Variants in DOT1L observed in about 807,000 individuals in gnomAD.
DOT1L encodes DOT1 like histone lysine methyltransferase.
DOT1L carries 33 observed loss-of-function variants against 153.3 expected under a neutral mutation model. The ratio of observed to expected loss-of-function variants is 0.22; its 90% confidence interval spans 0.16 to 0.29. The LOEUF (loss-of-function observed/expected upper bound fraction) is 0.29, where lower values mean the gene tolerates loss of function less well. DOT1L is among the 10% of genes least tolerant of loss of function. DOT1L has a pLI of 1.00. For synonymous variants in DOT1L, 1,135 were observed against 965.1 expected (o/e 1.18, Z -3.26); for missense variants, 1,847 against 2,119.9 (o/e 0.87, Z 2.53).
At chr19:2,214,439 C>T in intron 18 of DOT1L, 32 bp from the exon 19 acceptor site, 4 of 1,606,422 alleles carry the variant, frequency 2.5e-6, no homozygotes, top group Non-Finnish European at 3.4e-6. Flanking sequence ...GGCAGCCAGC[C>T]AGTCGCAACT....
chr19:2,177,251 A>G (rs542664688), intron 1 of DOT1L, among the ~76,000 whole-genome samples: 2 of 152,230 alleles, frequency 1.3e-5, no homozygotes, highest in African/African-American at 4.8e-5. Flanking sequence ...GGAAACGACC[A>G]GGTGTGCTGC....
Position 2,221,862 on chromosome 19 carries a change from C to T in DOT1L, c.2807-114C>T. On this transcript the variant is annotated intron_variant, in intron 23 of 27. Transcript: ENST00000398665. ...GTTTTCAGACTCCCAACCCCTTCCC[C>T]ACTTCCCCGCCTCTCCTGGAGCCCA... 3.6e-6 allele frequency: 4 copies of T among 1,126,150 alleles called. No homozygotes were observed. The South Asian group carries it at 6.5e-5, about 18-fold the overall frequency. 69.8% of individuals were successfully genotyped at this position (1,126,150 alleles called of 1,614,324 possible).
chr19:2,202,993 C>T (rs145111748), intron 9 of DOT1L, among the ~76,000 whole-genome samples: 4,631 of 152,346 alleles, frequency 0.03, 97 homozygotes, highest in East Asian at 0.098. Flanking sequence ...ACAATCTCTG[C>T]TCACTGCAAC....
At chr19:2,181,599 G>C (rs2022234610) in intron 2 of DOT1L, among the ~76,000 whole-genome samples, 1 of 149,362 alleles carries the variant, frequency 6.7e-6, no homozygotes, top group Admixed American at 6.6e-5. Context: ...CCTGACCCAG[G>C]GTCCGTGCTT....
At chr19:2,202,551 C>G (rs185250026) in intron 8 of DOT1L, 149 bp from the exon 9 acceptor site, 1 of 709,472 alleles carries the variant, frequency 1.4e-6, no homozygotes, top group African/African-American at 1.8e-5. Flanking sequence ...AAACCCACGG[C>G]GTGCGCTCAG....
chr19:2,227,937 C>G, intron 27 of DOT1L: 1 of 1,127,394 alleles, frequency 8.9e-7, no homozygotes, highest in Non-Finnish European at 1.1e-6. Context: ...TCCCCCGCTG[C>G]CCCCGCCTGC....
At chr19:2,228,238 C>T (rs749161665) in intron 27 of DOT1L, 3 of 1,362,584 alleles carry the variant, frequency 2.2e-6, no homozygotes, top group Non-Finnish European at 2.9e-6. Flanking sequence ...CTGGCCCAGG[C>T]CGCGCCCGGG....
Position 2,190,971 on chromosome 19 carries a change from T to G in DOT1L, c.265-41T>G, listed in dbSNP as rs1599560707. The G allele has an allele frequency of 2.6e-6, 4 of 1,538,512 alleles. No individual in the cohort carries two copies. The highest frequency in any genetic ancestry group is 3.5e-6 in the Non-Finnish European group (4 of 1,141,298). On this transcript the variant is annotated intron_variant, in intron 4 of 27. Coordinates refer to ENST00000398665, the MANE Select transcript of DOT1L (RefSeq NM_032482.3). This position sits in a 1 kb window ranked among gnomAD's most constrained non-coding sequence, Gnocchi z 4.8. The stretch of plus-strand genomic sequence containing the variant: ...TCTTGGTGGTGGAGGGGCTGGGCCG[T>G]GAGGTTTATGTGACATGGCCGGGCC...
At chr19:2,209,263 TTCTC>T (rs200954916) in intron 12 of DOT1L, among the ~76,000 whole-genome samples, 16 of 151,924 alleles carry the variant, frequency 1.1e-4, no homozygotes, top group African/African-American at 3.6e-4. Flanking sequence ...CCCTCTCCGT[TTCTC>T]TCTCTCTCCC....
rs2024330583 is a variant in DOT1L at position 2,226,395 on chromosome 19, C to T, written c.3874C>T (p.Pro1292Ser). 3 of 1,597,846 alleles carry T rather than the reference C, an allele frequency of 1.9e-6. No individual in the cohort carries two copies. The Admixed American group carries it at 5.0e-5, about 27-fold the overall frequency. The change falls in exon 27 of 28, where the codon CCC becomes TCC. Residue 1292 changes from proline (P) to serine (S), a missense_variant. Pro to Ser is a moderately conservative substitution (Grantham distance 74, BLOSUM62 -1). Transcript: ENST00000398665. ...TGCCGATGCCAAGCTGGCCGCTCACCCCAGGAAAGGCTTTCCCGGCTCCCT... is the reference window on the plus strand; with the variant it reads ...TGCCGATGCCAAGCTGGCCGCTCACTCCAGGAAAGGCTTTCCCGGCTCCCT... ...PSADAKLAAH[P>S]RKGFPGSLSG...
In DOT1L at chr19:2,226,640, G is replaced by T. The variant is rs778777749; in HGVS notation, c.4119G>T (p.Leu1373=). 5.7e-6 allele frequency: 9 copies of T among 1,588,228 alleles called. No individual in the cohort carries two copies. In the South Asian group the frequency reaches 1.0e-4, roughly 18 times the overall value. ...DANPFLSKRQ[L]DGLAGLKGEG... ...ACCCTTTCCTGAGCAAGAGGCAGCT[G>T]GACGGCCTGGCTGGGCTGAAGGGCG... The change falls in exon 27 of 28, where the codon CTG becomes CTT. Residue 1373 remains leucine, a synonymous_variant. Transcript: ENST00000398665.
chr19:2,228,534 A>C, intron 27 of DOT1L: 1 of 985,226 alleles, frequency 1.0e-6, no homozygotes, highest in Non-Finnish European at 1.2e-6. Flanking sequence ...TGGTCGCGAG[A>C]GGAGGGACTA....
intron 8 of DOT1L, among the ~76,000 whole-genome samples, chr19:2,200,641 G>A (rs1476069172): frequency 1.3e-5 from 2 of 152,080 alleles, no homozygotes; most frequent in Non-Finnish European, 2.9e-5. Flanking sequence ...CCCCAGTCCC[G>A]CCATCCTCCC....
In DOT1L at chr19:2,191,258, T is replaced by C; in HGVS notation, c.493+18T>C. On this transcript the variant is annotated intron_variant, in intron 5 of 27. Transcript: ENST00000398665. The surrounding 1 kb of genome is among the most constrained non-coding windows in gnomAD (Gnocchi z 6.8). ...GGGGAGCGGTGAGTGTCGCCCGCCATGCCCGGCTCCTGTGCACTTCCAGGC... is the reference window on the plus strand; with the variant it reads ...GGGGAGCGGTGAGTGTCGCCCGCCACGCCCGGCTCCTGTGCACTTCCAGGC... The C allele has an allele frequency of 6.2e-7, 1 of 1,612,262 alleles. No homozygotes were observed. Among genetic ancestry groups the C allele is most frequent in the Non-Finnish European group, 8.5e-7 (1 of 1,178,966 alleles).
At chr19:2,219,194 G>C (rs2024021415) in intron 22 of DOT1L, among the ~76,000 whole-genome samples, 1 of 152,164 alleles carries the variant, frequency 6.6e-6, no homozygotes, top group Non-Finnish European at 1.5e-5. Flanking sequence ...TTTAATAGAG[G>C]TGGAGGTTTT....
chr19:2,174,994 G>A (rs1220554699), intron 1 of DOT1L, among the ~76,000 whole-genome samples: 64 of 80,498 alleles, frequency 8.0e-4, no homozygotes, highest in South Asian at 7.4e-3. Context: ...GTGTGTGTGT[G>A]TATATATATA....
chr19:2,231,866 C>T lies in DOT1L; in HGVS notation c.*2074C>T. ...ATGCAGGGCTCCTGCCCACGCAGGC[C>T]ACCGTATGTTCAGGACACGCACTGG... On this transcript the variant is annotated 3_prime_UTR_variant, in exon 28 of 28. Transcript: ENST00000398665. 4.5e-6 allele frequency: 1 copy of T among 220,548 alleles called. No homozygotes were observed. The highest frequency in any genetic ancestry group is 9.1e-6 in the Non-Finnish European group (1 of 110,076). The allele number at this position is 220,548 out of a possible 1,614,324, so 13.7% of individuals were successfully genotyped here.
At chr19:2,179,905 C>T (rs1354851142) in intron 1 of DOT1L, among the ~76,000 whole-genome samples, 1 of 152,116 alleles carries the variant, frequency 6.6e-6, no homozygotes, top group East Asian at 1.9e-4. Context: ...TTTATATCAG[C>T]ACAGTAGCAC....
rs112990627 is a variant in DOT1L, at chr19:2,220,796, C to T, written c.2806+574C>T. 39 of 337,358 alleles carry T rather than the reference C, an allele frequency of 1.2e-4. No individual in the cohort carries two copies. Among genetic ancestry groups the T allele is most frequent in the African/African-American group, 7.9e-4 (37 of 46,586 alleles). The allele number at this position is 337,358 out of a possible 1,614,324, so 20.9% of individuals were successfully genotyped here. A position where few individuals can be genotyped will look rare whatever the true frequency, so the allele number is the denominator to read the frequency against. On this transcript the variant is annotated intron_variant, in intron 23 of 27. Transcript: ENST00000398665. This position sits in a 1 kb window ranked among gnomAD's most constrained non-coding sequence, Gnocchi z 4.5. ...TGTGCCAGCAAAACTGTACTTAAAA[C>T]AGCAGAGGACATGAGACCCCCAGGC...
Sources: allele counts gnomAD v4.1 joint callset (sites outside exome capture counted in the v4.1 genomes callset), GRCh38; gene constraint gnomAD v4.1.1; non-coding constraint Gnocchi (gnomAD v3.1); transcripts MANE v1.5; gene names NCBI Gene and HGNC (gene_info 2026-07-23, HGNC 2026-07-21).